Variants in QTGAL observed in about 807,000 individuals in gnomAD.
The protein encoded by QTGAL is BGnT-like protein 1.
chr17:83,028,718 G>C, the QTGAL span, among the ~76,000 whole-genome samples: 1 of 152,144 alleles, frequency 6.6e-6, no homozygotes, highest in African/African-American at 2.4e-5. Context: ...CTGTTCAGCA[G>C]GTTCCTTTAA....
At chr17:83,045,262 G>C in the QTGAL span, among the ~76,000 whole-genome samples, 2 of 152,334 alleles carry the variant, frequency 1.3e-5, no homozygotes, top group South Asian at 2.1e-4. Flanking sequence ...ATAGAATCTG[G>C]AGTCCAGGAA....
chr17:82,970,030 A>G, the QTGAL span, among the ~76,000 whole-genome samples: 1 of 152,232 alleles, frequency 6.6e-6, no homozygotes, highest in African/African-American at 2.4e-5. Context: ...TCTCAGAACG[A>G]ACATTTTAAA....
At chr17:82,972,822 C>A in the QTGAL span, among the ~76,000 whole-genome samples, 1 of 143,290 alleles carries the variant, frequency 7.0e-6, no homozygotes, top group African/African-American at 2.7e-5. Flanking sequence ...ACCACAGGGG[C>A]TAGAAGGACC....
the QTGAL span, chr17:82,957,502 G>C: frequency 6.3e-7 from 1 of 1,596,140 alleles, no homozygotes; most frequent in South Asian, 1.1e-5. Context: ...GTCCTGCGGT[G>C]GAGAAGAGGG....
the QTGAL span, among the ~76,000 whole-genome samples, chr17:83,040,391 T>C: frequency 8.5e-5 from 13 of 152,074 alleles, no homozygotes; most frequent in African/African-American, 3.1e-4. Flanking sequence ...AAGTCTTATA[T>C]GGAAACTTTA....
At chr17:83,006,924 G>A in the QTGAL span, 1 of 709,018 alleles carries the variant, frequency 1.4e-6, no homozygotes, top group African/African-American at 1.9e-5. The surrounding 1 kb of genome is among the most constrained non-coding windows in gnomAD (Gnocchi z 5.8). Context: ...TCTCCAGAGT[G>A]GTTGCGCCGT....
chr17:83,045,579 G>C, the QTGAL span, among the ~76,000 whole-genome samples: 54 of 152,280 alleles, frequency 3.5e-4, no homozygotes, highest in Non-Finnish European at 6.0e-4. Flanking sequence ...AGATAAATTA[G>C]ATTTTTGTCT....
At chr17:82,946,524 G>A in the QTGAL span, among the ~76,000 whole-genome samples, 11 of 148,646 alleles carry the variant, frequency 7.4e-5, no homozygotes, top group Middle Eastern at 6.5e-3. Context: ...CATAAGGCAC[G>A]GTTGAAGGAG....
At chr17:82,993,278 A>C in the QTGAL span, among the ~76,000 whole-genome samples, 1 of 152,048 alleles carries the variant, frequency 6.6e-6, no homozygotes, top group Non-Finnish European at 1.5e-5. Flanking sequence ...GGAAAAACAT[A>C]CTCCATGCCA....
the QTGAL span, among the ~76,000 whole-genome samples, chr17:83,029,503 T>G: frequency 6.6e-6 from 1 of 152,098 alleles, no homozygotes; most frequent in Non-Finnish European, 1.5e-5. Context: ...CTGTGAGACG[T>G]GAGAAGACCG....
At chr17:82,958,855 T>G in the QTGAL span, among the ~76,000 whole-genome samples, 47 of 85,542 alleles carry the variant, frequency 5.5e-4, no homozygotes, top group South Asian at 1.6e-3. Context: ...ACACTGGGGG[T>G]GTATGGTGTG....
chr17:83,038,806 C>T, the QTGAL span, among the ~76,000 whole-genome samples: 1 of 151,768 alleles, frequency 6.6e-6, no homozygotes, highest in African/African-American at 2.4e-5. Context: ...TTGCAGTGAG[C>T]CGAGATCGCG....
chr17:83,023,631 T>C, the QTGAL span, among the ~76,000 whole-genome samples: 1 of 152,254 alleles, frequency 6.6e-6, no homozygotes, highest in African/African-American at 2.4e-5. Context: ...AGGAATCTCT[T>C]GGTCACCACC....
chr17:82,960,786 G>A, the QTGAL span, among the ~76,000 whole-genome samples: 5 of 152,236 alleles, frequency 3.3e-5, no homozygotes, highest in East Asian at 1.9e-4. Context: ...AGGACCCGGC[G>A]CGTGGTCATT....
chr17:82,983,437 G>A, the QTGAL span, among the ~76,000 whole-genome samples: 4 of 152,146 alleles, frequency 2.6e-5, no homozygotes, highest in Non-Finnish European at 5.9e-5. Flanking sequence ...TGACCTCCAC[G>A]TGGACTCAGT....
At chr17:82,950,322 C>T in the QTGAL span, among the ~76,000 whole-genome samples, 4 of 152,204 alleles carry the variant, frequency 2.6e-5, 1 homozygote, top group Admixed American at 2.0e-4. Context: ...AGTGACACCA[C>T]AGGTCACCAT....
At chr17:83,048,432 C>G in the QTGAL span, 2 of 1,532,282 alleles carry the variant, frequency 1.3e-6, no homozygotes. Flanking sequence ...GATAAGAAAC[C>G]ACGAATTATA....
the QTGAL span, chr17:82,946,887 A>G: frequency 6.4e-7 from 1 of 1,555,920 alleles, no homozygotes. Context: ...ACCTGGGAGC[A>G]GCTGCCATGG....
the QTGAL span, among the ~76,000 whole-genome samples, chr17:82,993,125 T>C: frequency 6.6e-6 from 1 of 152,058 alleles, no homozygotes; most frequent in South Asian, 2.1e-4. Flanking sequence ...TATTTATCAA[T>C]AGTAACATTA....
Sources: gnomAD v4.1 joint callset for allele counts (sites outside exome capture counted in the v4.1 genomes callset) on GRCh38, gnomAD v4.1.1 for gene constraint, Gnocchi (gnomAD v3.1) non-coding constraint, MANE v1.5 for transcripts, NCBI Gene and HGNC (gene_info 2026-07-23, HGNC 2026-07-21) for gene names.